Variants in PARD3B observed in about 807,000 individuals in gnomAD.
PARD3B encodes par-3 family cell polarity regulator beta, also known as partitioning defective 3 homolog B.
PARD3B carries 103 observed loss-of-function variants against 130.2 expected under a neutral mutation model. That is an observed-to-expected ratio of 0.79 (90% CI 0.67 to 0.93). The LOEUF is 0.93. Ranked by LOEUF, PARD3B falls within the 40% of genes least tolerant of loss-of-function variation. PARD3B has a pLI of 0.00. For missense variants in PARD3B, 1,609 were observed against 1,499.2 expected (o/e 1.07, Z -1.21); for synonymous variants, 583 against 553.2 (o/e 1.05, Z -0.76).
Position 205,615,579 on chromosome 2 carries a change from C to T in PARD3B, c.3384C>T (p.Arg1128=), listed in dbSNP as rs772873680. ...ACCCTCCCAAAGGGAGCTATCCCCG[C>T]CCCACAGAGCTCAGGGTGGCAGATC... ...PMHPPKGSYP[R]PTELRVADLR... The change falls in exon 23 of 23, where the codon CGC becomes CGT. Residue 1128 remains arginine, a synonymous_variant. Coordinates refer to ENST00000406610, the MANE Select transcript of PARD3B (RefSeq NM_001302769.2). 6.2e-7 allele frequency: 1 copy of T among 1,614,124 alleles called. No homozygotes were observed. Among genetic ancestry groups the T allele is most frequent in the African/African-American group, 1.3e-5 (1 of 75,050 alleles).
chr2:204,644,797 T>A (rs367828679), intron 1 of PARD3B, among the ~76,000 whole-genome samples: 10 of 152,186 alleles, frequency 6.6e-5, no homozygotes, highest in African/African-American at 2.2e-4. Flanking sequence ...ATGGGAAGAG[T>A]TGGATCTGAA....
chr2:205,331,714 C>T (rs1488704872), intron 18 of PARD3B, among the ~76,000 whole-genome samples: 3 of 124,878 alleles, frequency 2.4e-5, no homozygotes, highest in Non-Finnish European at 4.8e-5. Context: ...ACCCAGGCAG[C>T]GGAGGTTGCG....
intron 3 of PARD3B, among the ~76,000 whole-genome samples, chr2:205,039,824 C>G (rs879747018): frequency 6.6e-6 from 1 of 152,200 alleles, no homozygotes; most frequent in Non-Finnish European, 1.5e-5. Context: ...GTGTTATTCC[C>G]CTTACTTCTA....
intron 18 of PARD3B, among the ~76,000 whole-genome samples, chr2:205,370,059 G>T (rs2044751792): frequency 6.6e-6 from 1 of 152,140 alleles, no homozygotes; most frequent in African/African-American, 2.4e-5. Context: ...CCAAGGACGT[G>T]CCTTCAGAGT....
At chr2:204,761,701 G>T (rs1242594472) in intron 2 of PARD3B, among the ~76,000 whole-genome samples, 1 of 151,762 alleles carries the variant, frequency 6.6e-6, no homozygotes, top group African/African-American at 2.4e-5. Context: ...AAAAATCTTT[G>T]CTTAGAAAGC....
At chr2:205,211,827 C>T (rs988583863) in intron 15 of PARD3B, among the ~76,000 whole-genome samples, 1 of 152,130 alleles carries the variant, frequency 6.6e-6, no homozygotes, top group East Asian at 1.9e-4. Context: ...TGGCATAATC[C>T]CCAGTCCCCA....
intron 1 of PARD3B, among the ~76,000 whole-genome samples, chr2:204,639,825 A>G (rs1465830878): frequency 2.0e-5 from 3 of 152,200 alleles, no homozygotes; most frequent in Non-Finnish European, 4.4e-5. Context: ...CATTTATCAG[A>G]TAAAGAAACC....
chr2:205,380,346 TA>T lies in PARD3B; in HGVS notation c.2631-20665del, dbSNP rs1342490360. Among the ~76,000 whole-genome samples, 12 of 19,932 alleles carry T rather than the reference TA, an allele frequency of 6.0e-4. 2 individuals carry two copies. Among genetic ancestry groups the T allele is most frequent in the Admixed American group, 1.3e-3 (1 of 760 alleles). The allele number at this position is 19,932 out of a possible 152,430, so 13.1% of individuals were successfully genotyped here. A position where few individuals can be genotyped will look rare whatever the true frequency, so the allele number is the denominator to read the frequency against. On this transcript the variant is annotated intron_variant, in intron 18 of 22. Transcript: ENST00000406610. Reference sequence around the variant, plus strand: ...TTATATATAATATATAAAGAATATATAATATATAATATATAAAGAATATATA... The same window carrying T: ...TTATATATAATATATAAAGAATATATATATATAATATATAAAGAATATATA...
chr2:204,798,008 T>C (rs2042433746), intron 2 of PARD3B, among the ~76,000 whole-genome samples: 1 of 152,224 alleles, frequency 6.6e-6, no homozygotes, highest in African/African-American at 2.4e-5. Flanking sequence ...AATAGAATCC[T>C]TCAGCAATTG....
chr2:205,413,930 A>G (rs988802719), intron 19 of PARD3B, among the ~76,000 whole-genome samples: 13 of 152,190 alleles, frequency 8.5e-5, no homozygotes, highest in African/African-American at 2.2e-4. Context: ...TTAAAATGGA[A>G]GATACGCCTT....
intron 18 of PARD3B, among the ~76,000 whole-genome samples, chr2:205,380,946 T>TGTA (rs2045384679): frequency 1.4e-5 from 1 of 70,564 alleles, no homozygotes; most frequent in African/African-American, 8.3e-5. Context: ...ATATATATAA[T>TGTA]ATATAATGTA....
chr2:205,069,714 C>T (rs1435590053), intron 4 of PARD3B, among the ~76,000 whole-genome samples: 1 of 152,110 alleles, frequency 6.6e-6, no homozygotes, highest in African/African-American at 2.4e-5. Flanking sequence ...TCACCCTTCA[C>T]CCTAAGTAGA....
chr2:204,574,897 A>G (rs12986544), intron 1 of PARD3B, among the ~76,000 whole-genome samples: 92,981 of 152,152 alleles, frequency 0.61, 32,237 homozygotes, highest in East Asian at 0.78. Flanking sequence ...AATTAACAGC[A>G]TACGCTTTAC....
intron 16 of PARD3B, among the ~76,000 whole-genome samples, chr2:205,260,057 G>C (rs966448991): frequency 1.2e-4 from 18 of 152,196 alleles, no homozygotes; most frequent in African/African-American, 4.3e-4. Flanking sequence ...CATGTGGTCA[G>C]TCTGTGGTTG....
At chr2:205,551,681 C>T (rs77184435) in intron 21 of PARD3B, among the ~76,000 whole-genome samples, 5,210 of 152,276 alleles carry the variant, frequency 0.034, 115 homozygotes, top group Non-Finnish European at 0.048. Context: ...TGTTTTGCAA[C>T]ATCTCTCCCC....
Position 204,831,845 on chromosome 2 carries a change from T to G in PARD3B, c.223-133307T>G, listed in dbSNP as rs538564785. Among the ~76,000 whole-genome samples, 5 of 152,292 alleles carry G rather than the reference T, an allele frequency of 3.3e-5. No homozygotes were observed. The East Asian group carries it at 9.6e-4, about 29-fold the overall frequency. On this transcript the variant is annotated intron_variant, in intron 2 of 22. Transcript: ENST00000406610. ...TTTTTATACAATATAAATGAATTAC[T>G]GAACAGAGTTTGTGACAATGGGTAT...
At chr2:205,197,853 T>C (rs550798455) in intron 15 of PARD3B, among the ~76,000 whole-genome samples, 51 of 152,310 alleles carry the variant, frequency 3.3e-4, no homozygotes, top group Non-Finnish European at 6.9e-4. Flanking sequence ...ATTGAGCTTG[T>C]GTGGGTGTTG....
intron 1 of PARD3B, among the ~76,000 whole-genome samples, chr2:204,551,884 G>A (rs987505903): frequency 5.9e-5 from 9 of 152,074 alleles, no homozygotes; most frequent in African/African-American, 2.2e-4. Context: ...TCAGAGCTTT[G>A]GGCCTCTCTT....
Position 205,337,805 on chromosome 2 carries a change from C to A in PARD3B, c.2630+36104C>A, listed in dbSNP as rs575715891. Among the ~76,000 whole-genome samples, 511 of 152,156 alleles carry A rather than the reference C, an allele frequency of 3.4e-3. 3 individuals carry two copies. Among genetic ancestry groups the A allele is most frequent in the African/African-American group, 0.012 (480 of 41,526 alleles). On this transcript the variant is annotated intron_variant, in intron 18 of 22. Transcript: ENST00000406610. ...ATAGCCAGTTTATGACATTTTAGTTCATTTATTTTAGATATAATTACCAAA... is the reference window on the plus strand; with the variant it reads ...ATAGCCAGTTTATGACATTTTAGTTAATTTATTTTAGATATAATTACCAAA...
Sources: allele counts gnomAD v4.1 joint callset (sites outside exome capture counted in the v4.1 genomes callset), GRCh38; gene constraint gnomAD v4.1.1; transcripts MANE v1.5; gene names NCBI Gene and HGNC (gene_info 2026-07-23, HGNC 2026-07-21).